Variants in DNM1 observed in about 807,000 individuals in gnomAD.
DNM1 encodes dynamin 1, also known as dynamin-1.
Under a neutral mutation model 104.6 loss-of-function variants are expected in DNM1, and 29 were observed. The ratio of observed to expected loss-of-function variants is 0.28; its 90% CI spans 0.21 to 0.38. DNM1 has a LOEUF of 0.38. DNM1 is among the 10% of genes least tolerant of loss of function. The probability of loss-of-function intolerance (pLI) is 1.00; values close to 1 mark genes in which losing one functional copy is unlikely to be tolerated. For synonymous variants in DNM1, 445 were observed against 475.8 expected, an observed-to-expected ratio of 0.94 and a Z score of 0.84; for missense variants, 640 against 1,189.4, an observed-to-expected ratio of 0.54 and a Z score of 6.79.
intron 10 of DNM1, chr9:128,232,133 G>C (rs1293304535): frequency 2.3e-6 from 1 of 442,332 alleles, no homozygotes; most frequent in East Asian, 7.2e-5. Context: ...CGGTTAGTGG[G>C]AGAATTGGTC....
chr9:128,222,411 C>T lies in DNM1; in HGVS notation c.993-50C>T, dbSNP rs187804691. The T allele has an allele frequency of 9.9e-6, 16 of 1,610,630 alleles. No individual in the cohort carries two copies. Among genetic ancestry groups the T allele is most frequent in the African/African-American group, 1.3e-5 (1 of 74,948 alleles). ...TCAGCGTGGGGCTCTCCCAGGGTTCCCTTTGCTGGGCTGCTCCTGCCCCCT... is the reference window on the plus strand; with the variant it reads ...TCAGCGTGGGGCTCTCCCAGGGTTCTCTTTGCTGGGCTGCTCCTGCCCCCT... On this transcript the variant is annotated intron_variant, in intron 7 of 21. Coordinates refer to ENST00000372923, the MANE Select transcript of DNM1 (RefSeq NM_004408.4). This position sits in a 1 kb window ranked among gnomAD's most constrained non-coding sequence, Gnocchi z 7.8.
intron 1 of DNM1, among the ~76,000 whole-genome samples, chr9:128,206,300 C>T (rs1833969493): frequency 6.6e-6 from 1 of 152,216 alleles, no homozygotes; most frequent in South Asian, 2.1e-4. Context: ...TGGAGGTAGC[C>T]TTGCAGCTGC....
At chr9:128,235,826 G>A (rs948695383) in intron 11 of DNM1, among the ~76,000 whole-genome samples, 6 of 152,036 alleles carry the variant, frequency 3.9e-5, no homozygotes, top group Non-Finnish European at 5.9e-5. Flanking sequence ...GCGATCCTCC[G>A]ACTTTAGCCT....
chr9:128,239,566 A>ATG, intron 12 of DNM1, 51 bp downstream of exon 12: 1 of 1,052,484 alleles, frequency 9.5e-7, no homozygotes, highest in South Asian at 1.3e-5. Context: ...AGAGAAGGTA[A>ATG]CGTGTGTGTG....
Position 128,218,536 on chromosome 9 carries a change from C to T in DNM1, c.236-46C>T. 1 of 1,582,602 alleles carries T rather than the reference C, an allele frequency of 6.3e-7. No individual in the cohort carries two copies. Among genetic ancestry groups the T allele is most frequent in the Non-Finnish European group, 8.6e-7 (1 of 1,160,070 alleles). ...AGATGAAAACCCCCAGGTGGGGTTC[C>T]AGACCTTGATGCCTACTGCCCTTCC... On this transcript the variant is annotated intron_variant, in intron 2 of 21. Transcript: ENST00000372923. The surrounding 1 kb of genome is among the most constrained non-coding windows in gnomAD (Gnocchi z 4.8).
Position 128,248,041 on chromosome 9 carries a change from G to A in DNM1, c.1905+106G>A. ...TGGAGATGTTCTTTTCTAATTTCTGGATTGGGGCCAGGCGCAGTGGCTCAC... is the reference window on the plus strand; with the variant it reads ...TGGAGATGTTCTTTTCTAATTTCTGAATTGGGGCCAGGCGCAGTGGCTCAC... On this transcript the variant is annotated intron_variant, in intron 18 of 21. Coordinates refer to ENST00000372923, the MANE Select transcript of DNM1 (RefSeq NM_004408.4). The surrounding 1 kb of genome is among the most constrained non-coding windows in gnomAD (Gnocchi z 5.6). 3 of 1,517,724 alleles carry A rather than the reference G, an allele frequency of 2.0e-6. No individual in the cohort carries two copies. Among genetic ancestry groups the A allele is most frequent in the Non-Finnish European group, 2.7e-6 (3 of 1,094,708 alleles). The allele number at this position is 1,517,724 out of a possible 1,614,324, so 94.0% of individuals were successfully genotyped here. A position where few individuals can be genotyped will look rare whatever the true frequency, so the allele number is the denominator to read the frequency against.
At chr9:128,250,468 G>A (rs1829444267) in intron 20 of DNM1, 112 bp downstream of exon 20, 4 of 1,226,892 alleles carry the variant, frequency 3.3e-6, no homozygotes. Flanking sequence ...CCCACCTGGA[G>A]CGAGGGGCGG....
rs1836894472 is a variant in DNM1 at position 128,247,399 on chromosome 9, G to C, written c.1806G>C (p.Gln602His). The change falls in exon 17 of 22, where the codon CAG becomes CAC. Residue 602 changes from glutamine to histidine, a missense_variant. Physicochemically the swap from Gln to His is conservative, Grantham distance 24 (BLOSUM62 0). Coordinates refer to ENST00000372923, the MANE Select transcript of DNM1 (RefSeq NM_004408.4). This position sits in a 1 kb window ranked among gnomAD's most constrained non-coding sequence, Gnocchi z 5.1. ...GGAATGTCTACAAGGATTATCGGCA[G>C]CTGGAGCTAGCCTGTGAGACACAGG... ...EQRNVYKDYR[Q>H]LELACETQEE... 1 of 1,612,932 alleles carries C rather than the reference G, an allele frequency of 6.2e-7. No individual in the cohort carries two copies. Among genetic ancestry groups the C allele is most frequent in the African/African-American group, 1.3e-5 (1 of 74,908 alleles).
intron 10 of DNM1, chr9:128,232,147 C>G (rs751652975): frequency 8.0e-5 from 34 of 427,300 alleles, no homozygotes; most frequent in Non-Finnish European, 1.4e-5. Flanking sequence ...ATTGGTCATG[C>G]TCTTTGGCAA....
At chr9:128,221,997 A>T (rs998458839) in intron 6 of DNM1, among the ~76,000 whole-genome samples, 200 bp from the exon 7 acceptor site, 1 of 152,238 alleles carries the variant, frequency 6.6e-6, no homozygotes, top group African/African-American at 2.4e-5. Context: ...ATTGAAAATT[A>T]TGCACTCATT....
intron 1 of DNM1, among the ~76,000 whole-genome samples, chr9:128,208,000 C>A (rs1023213899): frequency 6.6e-6 from 1 of 151,620 alleles, no homozygotes; most frequent in Non-Finnish European, 1.5e-5. Context: ...CTACCCCCCA[C>A]CCCCAGGCTT....
intron 21 of DNM1, chr9:128,252,864 C>T (rs1042619903): frequency 6.0e-5 from 41 of 684,360 alleles, no homozygotes; most frequent in African/African-American, 5.8e-4. Flanking sequence ...GGCTGCATGC[C>T]CCAGATCCAT....
In DNM1 at chr9:128,253,461, T is replaced by C; in HGVS notation, c.2535-1193T>C. On this transcript the variant is annotated intron_variant, in intron 21 of 21. Transcript: ENST00000372923. This position sits in a 1 kb window ranked among gnomAD's most constrained non-coding sequence, Gnocchi z 5.9. ...GGCAGAGAGCTCGTGGTTTATGGTG[T>C]AAAGGCTGGGAGCTTGGAGGGGGTC... 4.9e-6 allele frequency: 2 copies of C among 404,698 alleles called. No homozygotes were observed. The highest frequency in any genetic ancestry group is 9.0e-6 in the Non-Finnish European group (2 of 221,076). The allele number at this position is 404,698 out of a possible 1,614,324, so 25.1% of individuals were successfully genotyped here.
At chr9:128,228,323 A>G (rs1280920732) in intron 10 of DNM1, among the ~76,000 whole-genome samples, 2 of 152,040 alleles carry the variant, frequency 1.3e-5, no homozygotes, top group African/African-American at 4.8e-5. Flanking sequence ...GATTACAGGC[A>G]TGAGCCACCC....
At chr9:128,206,728 G>A (rs868273233) in intron 1 of DNM1, among the ~76,000 whole-genome samples, 1 of 152,156 alleles carries the variant, frequency 6.6e-6, no homozygotes, top group African/African-American at 2.4e-5. Context: ...CCTGTAGCTG[G>A]TATTCAGCTA....
Position 128,240,170 on chromosome 9 carries a change from C to T in DNM1, c.1557+174C>T, listed in dbSNP as rs1265562668. Among the ~76,000 whole-genome samples, 2 of 152,190 alleles carry T rather than the reference C, an allele frequency of 1.3e-5. No individual in the cohort carries two copies. Among genetic ancestry groups the T allele is most frequent in the African/African-American group, 4.8e-5 (2 of 41,456 alleles). On this transcript the variant is annotated intron_variant, in intron 14 of 21. Transcript: ENST00000372923. This position sits in a 1 kb window ranked among gnomAD's most constrained non-coding sequence, Gnocchi z 5.1. ...CAGAGGCAGGCCCAGCCGCATCCAC[C>T]CGTCCATCTGTGTGCACGAGCCAAG...
In DNM1 at chr9:128,239,567, CGTGTGT is replaced by C. The variant is rs34036148; in HGVS notation, c.1493+97_1493+102del. On this transcript the variant is annotated intron_variant, in intron 12 of 21. Coordinates refer to ENST00000372923, the MANE Select transcript of DNM1 (RefSeq NM_004408.4). The stretch of plus-strand genomic sequence containing the variant: ...AGTGCTCCCTGGGCAGAGAAGGTAA[CGTGTGT>C]GTGTGTGTGTGTGTGTGTGTGTGTG... The C allele has an allele frequency of 0.062, 54,640 of 876,988 alleles. 597 individuals carry two copies. Among genetic ancestry groups the C allele is most frequent in the East Asian group, 0.18 (6,859 of 37,198 alleles). The allele number at this position is 876,988 out of a possible 1,614,324, so 54.3% of individuals were successfully genotyped here.
Position 128,246,456 on chromosome 9 carries a change from C to T in DNM1, c.1734C>T (p.Gly578=), listed in dbSNP as rs916594833. 1 of 1,614,092 alleles carries T rather than the reference C, an allele frequency of 6.2e-7. No individual in the cohort carries two copies. Residue 578 remains glycine (G), a synonymous_variant, in exon 16 of 22, where the codon GGC becomes GGT. Coordinates refer to ENST00000372923, the MANE Select transcript of DNM1 (RefSeq NM_004408.4). ...TCAAGCTGCGGGACGTGGAGAAGGG[C>T]TTTATGTCGAGCAAGCATATCTTTG... ...DNLKLRDVEK[G]FMSSKHIFAL...
intron 15 of DNM1, among the ~76,000 whole-genome samples, chr9:128,244,286 T>A (rs1836606836): frequency 6.6e-6 from 1 of 151,534 alleles, no homozygotes; most frequent in South Asian, 2.1e-4. Flanking sequence ...GTGTGGGACA[T>A]GGGTGTGAGA....
Sources: allele counts gnomAD v4.1 joint callset (sites outside exome capture counted in the v4.1 genomes callset), GRCh38; gene constraint gnomAD v4.1.1; non-coding constraint Gnocchi (gnomAD v3.1); transcripts MANE v1.5; gene names NCBI Gene and HGNC (gene_info 2026-07-23, HGNC 2026-07-21).